The following PCDH9 variants were observed in gnomAD, a reference collection of about 807,000 sequenced individuals.
The protein encoded by PCDH9 is protocadherin-9.
A neutral mutation model predicts 70.6 loss-of-function variants in PCDH9; 24 were observed. That is an observed-to-expected ratio of 0.34 (90% CI 0.25 to 0.48). The LOEUF (loss-of-function observed/expected upper bound fraction) is 0.48, where lower values mean the gene tolerates loss of function less well. Ranked by LOEUF, PCDH9 falls within the 20% of genes least tolerant of loss-of-function variation. The pLI, the probability that PCDH9 is intolerant of heterozygous loss-of-function variation, is 0.99. For missense variants in PCDH9, 1,281 were observed against 1,503.6 expected (o/e 0.85, Z 2.45); for synonymous variants, 562 against 558.5 (o/e 1.01, Z -0.09).
At chr13:66,806,869 C>T (rs1430561327) in intron 3 of PCDH9, among the ~76,000 whole-genome samples, 2 of 152,112 alleles carry the variant, frequency 1.3e-5, no homozygotes, top group Non-Finnish European at 2.9e-5. Context: ...AATTGTTTTG[C>T]ACTTTTCAAA....
intron 4 of PCDH9, among the ~76,000 whole-genome samples, chr13:66,546,001 AT>A (rs1015147287): frequency 6.6e-6 from 1 of 150,714 alleles, no homozygotes; most frequent in Admixed American, 6.6e-5. Context: ...ATGTCTGGCT[AT>A]TTTTTTCTAT....
chr13:66,712,528 A>C (rs1448303902), intron 3 of PCDH9, among the ~76,000 whole-genome samples: 1 of 152,198 alleles, frequency 6.6e-6, no homozygotes, highest in African/African-American at 2.4e-5. Context: ...AAACTAAAAC[A>C]TGTAAATACA....
intron 2 of PCDH9, among the ~76,000 whole-genome samples, chr13:66,923,384 C>A (rs1027392451): frequency 6.6e-6 from 1 of 151,406 alleles, no homozygotes; most frequent in Admixed American, 6.6e-5. Flanking sequence ...TAACAGAGTT[C>A]TTTCTAAAAA....
chr13:67,024,328 G>A (rs2084736942), intron 2 of PCDH9, among the ~76,000 whole-genome samples: 3 of 152,074 alleles, frequency 2.0e-5, no homozygotes, highest in Admixed American at 2.0e-4. Context: ...CTACAGTAAT[G>A]CTCAATGGCC....
intron 4 of PCDH9, among the ~76,000 whole-genome samples, chr13:66,426,292 T>G (rs936634370): frequency 2.6e-5 from 4 of 151,570 alleles, no homozygotes; most frequent in East Asian, 1.9e-4. Flanking sequence ...ATGAGAGCAG[T>G]AGACCCCATA....
At chr13:66,613,635 G>C (rs1020153344) in intron 4 of PCDH9, among the ~76,000 whole-genome samples, 2 of 151,506 alleles carry the variant, frequency 1.3e-5, no homozygotes, top group Non-Finnish European at 2.9e-5. Flanking sequence ...TGCCTTAGGG[G>C]ATGAGCCCTC....
At chr13:67,048,704 A>C (rs1396293412) in intron 2 of PCDH9, among the ~76,000 whole-genome samples, 1 of 152,252 alleles carries the variant, frequency 6.6e-6, no homozygotes, top group South Asian at 2.1e-4. Context: ...TTAAAAGCTC[A>C]GTAAAGCCTG....
chr13:66,960,977 T>G (rs2083336748), intron 2 of PCDH9, among the ~76,000 whole-genome samples: 1 of 152,174 alleles, frequency 6.6e-6, no homozygotes, highest in African/African-American at 2.4e-5. Flanking sequence ...GTAGCAACTG[T>G]AAAAATCAAT....
At chr13:67,224,863 C>T in intron 2 of PCDH9, 1 of 972,870 alleles carries the variant, frequency 1.0e-6, no homozygotes, top group Non-Finnish European at 1.2e-6. Context: ...GGCTTAGTTG[C>T]AATCTATCAA....
At chr13:67,097,530 G>A (rs8001867) in intron 2 of PCDH9, among the ~76,000 whole-genome samples, 7,643 of 152,148 alleles carry the variant, frequency 0.05, 342 homozygotes, top group African/African-American at 0.12. Context: ...TTAGAAACAA[G>A]GGACAAATTA....
At position 66,424,006 on chromosome 13, in the gene PCDH9, A is replaced by G. The variant is rs372996945; in HGVS notation, c.3341-118978T>C. Among the ~76,000 whole-genome samples the G allele has an allele frequency of 5.3e-4, 80 of 152,312 alleles. No individual in the cohort carries two copies. In the South Asian group the frequency reaches 6.6e-3, roughly 13 times the overall value. On this transcript the variant is annotated intron_variant, in intron 4 of 4. Coordinates refer to ENST00000377865, the MANE Select transcript of PCDH9 (RefSeq NM_203487.3). ...CAGGATACAAAATAGATGTGCAAAA[A>G]TCACAAGCATTCGTATACACCAATA...
chr13:66,686,514 T>C (rs142679529), intron 3 of PCDH9, among the ~76,000 whole-genome samples: 1 of 152,344 alleles, frequency 6.6e-6, no homozygotes, highest in Non-Finnish European at 1.5e-5. Context: ...GTAGCTTCAA[T>C]ACAATATTTG....
chr13:66,839,077 T>A (rs1487839976), intron 3 of PCDH9, among the ~76,000 whole-genome samples: 1 of 151,918 alleles, frequency 6.6e-6, no homozygotes, highest in African/African-American at 2.4e-5. Flanking sequence ...AAAGACAGAG[T>A]ATTAAAAAAA....
intron 4 of PCDH9, among the ~76,000 whole-genome samples, chr13:66,591,457 C>A (rs2077038401): frequency 1.0e-5 from 1 of 96,534 alleles, no homozygotes; most frequent in African/African-American, 3.1e-5. Flanking sequence ...TAGATGGTAA[C>A]TATCTAAAAA....
intron 4 of PCDH9, among the ~76,000 whole-genome samples, chr13:66,355,621 C>T (rs1956370337): frequency 6.6e-6 from 1 of 152,110 alleles, no homozygotes; most frequent in East Asian, 1.9e-4. Context: ...CATGAGCTAT[C>T]GTACTGTTGG....
chr13:67,186,199 T>C (rs891722667), intron 2 of PCDH9, among the ~76,000 whole-genome samples: 2 of 152,078 alleles, frequency 1.3e-5, no homozygotes. Context: ...GAGTGTATAC[T>C]TTTATTAAAA....
At chr13:66,568,083 C>T (rs1047991541) in intron 4 of PCDH9, among the ~76,000 whole-genome samples, 20 of 152,040 alleles carry the variant, frequency 1.3e-4, no homozygotes, top group South Asian at 4.2e-4. Context: ...GGAGATAAGA[C>T]GTGTAAGAAA....
chr13:66,422,019 C>G (rs1421160800), intron 4 of PCDH9, among the ~76,000 whole-genome samples: 1 of 152,120 alleles, frequency 6.6e-6, no homozygotes, highest in Non-Finnish European at 1.5e-5. Flanking sequence ...ATCCTAGTGT[C>G]TGATAAAAGA....
chr13:67,050,563 C>T (rs748205359), intron 2 of PCDH9, among the ~76,000 whole-genome samples: 7 of 152,140 alleles, frequency 4.6e-5, no homozygotes, highest in Non-Finnish European at 7.4e-5. Context: ...CACAAGCTTA[C>T]TCATCTATAA....
Sources: gnomAD v4.1 joint callset for allele counts (sites outside exome capture counted in the v4.1 genomes callset) on GRCh38, gnomAD v4.1.1 for gene constraint, MANE v1.5 for transcripts, NCBI Gene and HGNC (gene_info 2026-07-23, HGNC 2026-07-21) for gene names.